PLA2G15: variants seen among roughly 807,000 people sequenced by gnomAD.
PLA2G15 encodes the protein lysosomal phospholipase A and acyltransferase.
A neutral mutation model predicts 40.9 loss-of-function variants in PLA2G15; 20 were observed. That is an observed-to-expected ratio of 0.49 (90% CI 0.34 to 0.71). PLA2G15 has a LOEUF of 0.71. Among genes scored for constraint, PLA2G15 ranks in the 30% least tolerant of loss-of-function variants. The pLI is 0.01. For synonymous variants in PLA2G15, 223 were observed against 228.2 expected (o/e 0.98, Z 0.21); for missense variants, 471 against 541.9 (o/e 0.87, Z 1.30).
intron 2 of PLA2G15, among the ~76,000 whole-genome samples, chr16:68,250,832 C>T (rs925477098): frequency 5.4e-4 from 82 of 152,210 alleles, no homozygotes; most frequent in African/African-American, 1.9e-3. Context: ...GTGAGCAGAC[C>T]ACTGTACCCA....
intron 2 of PLA2G15, chr16:68,253,447 G>C: frequency 2.3e-6 from 1 of 437,324 alleles, no homozygotes; most frequent in South Asian, 1.6e-5. Flanking sequence ...CGCAATCTCG[G>C]CTCACTACAC....
intron 2 of PLA2G15, among the ~76,000 whole-genome samples, chr16:68,251,716 C>T (rs933017150): frequency 3.9e-5 from 6 of 152,112 alleles, no homozygotes; most frequent in Admixed American, 2.0e-4. Context: ...AAAAATGAGC[C>T]GGGCGTGGTG....
chr16:68,250,261 C>CTTT, intron 2 of PLA2G15: 14 of 303,558 alleles, frequency 4.6e-5, no homozygotes, highest in East Asian at 1.5e-4. Context: ...GCTCACAACT[C>CTTT]TTTTTTTTTT....
chr16:68,254,156 T>C (rs1037222098), intron 2 of PLA2G15, among the ~76,000 whole-genome samples: 1 of 152,006 alleles, frequency 6.6e-6, no homozygotes, highest in African/African-American at 2.4e-5. Flanking sequence ...TGGTACTTCC[T>C]TCTCCCAACC....
chr16:68,249,757 C>A (rs1382704887), intron 2 of PLA2G15, among the ~76,000 whole-genome samples: 1 of 152,192 alleles, frequency 6.6e-6, no homozygotes, highest in Non-Finnish European at 1.5e-5. Context: ...CAGCTCACTG[C>A]AACCTCCGTC....
At chr16:68,252,021 TA>T (rs1458181644) in intron 2 of PLA2G15, among the ~76,000 whole-genome samples, 1 of 152,152 alleles carries the variant, frequency 6.6e-6, no homozygotes, top group African/African-American at 2.4e-5. Flanking sequence ...TTTCTATTTT[TA>T]TACTGGGGAC....
At position 68,245,420 on chromosome 16, in the gene PLA2G15, G is replaced by A. The variant is rs772523752; in HGVS notation, c.-7G>A. 2.5e-6 allele frequency: 4 copies of A among 1,603,012 alleles called. No individual in the cohort carries two copies. Among genetic ancestry groups the A allele is most frequent in the South Asian group, 1.1e-5 (1 of 91,064 alleles). Reference sequence around the variant, plus strand: ...GCATCCCGGACCTGCGGCGACCGTCGTACACCATGGGCCTCCACCTCCGCC... The same window carrying A: ...GCATCCCGGACCTGCGGCGACCGTCATACACCATGGGCCTCCACCTCCGCC... On this transcript the variant is annotated 5_prime_UTR_variant, in exon 1 of 6. Coordinates refer to ENST00000219345, the MANE Select transcript of PLA2G15 (RefSeq NM_012320.4).
chr16:68,251,289 A>C (rs988211571), intron 2 of PLA2G15, among the ~76,000 whole-genome samples: 11 of 152,200 alleles, frequency 7.2e-5, no homozygotes, highest in Admixed American at 4.6e-4. Flanking sequence ...AGTTCCGTGA[A>C]GGGAGGGAGT....
chr16:68,252,724 T>TTGGGAG (rs1179888524), intron 2 of PLA2G15: 2 of 403,370 alleles, frequency 5.0e-6, no homozygotes, highest in Non-Finnish European at 1.0e-5. Context: ...TCCCAGCACT[T>TTGGGAG]TGGGAGGCTA....
chr16:68,258,990 T>G, intron 5 of PLA2G15, 156 bp from the exon 6 acceptor site: 8 of 637,358 alleles, frequency 1.3e-5, no homozygotes, highest in Middle Eastern at 4.2e-4. Flanking sequence ...AAGGCAGGGA[T>G]GGGAGTCACA....
At position 68,255,885 on chromosome 16, in the gene PLA2G15, C is replaced by G; in HGVS notation, c.622C>G (p.Leu208Val). ...SMGNMYTLYF[L>V]QRQPQAWKDK... ...GGGCAACATGTACACGCTCTACTTT[C>G]TGCAGCGGCAGCCGCAGGCCTGGAA... The change falls in exon 5 of 6, where the codon CTG becomes GTG. Residue 208 changes from leucine to valine, a missense_variant. Leu to Val is a conservative substitution (Grantham distance 32, BLOSUM62 1). Coordinates refer to ENST00000219345, the MANE Select transcript of PLA2G15 (RefSeq NM_012320.4). The surrounding 1 kb of genome is among the most constrained non-coding windows in gnomAD (Gnocchi z 5.9). 2 of 1,614,070 alleles carry G rather than the reference C, an allele frequency of 1.2e-6. No homozygotes were observed. Among genetic ancestry groups the G allele is most frequent in the Non-Finnish European group, 1.7e-6 (2 of 1,180,012 alleles).
intron 1 of PLA2G15, among the ~76,000 whole-genome samples, chr16:68,246,908 G>A (rs963184953): frequency 6.6e-6 from 1 of 152,202 alleles, no homozygotes; most frequent in African/African-American, 2.4e-5. Flanking sequence ...GCCTCAGGGA[G>A]TCCTGGGTTG....
chr16:68,247,091 A>G (rs112180401), intron 1 of PLA2G15, among the ~76,000 whole-genome samples: 6,111 of 152,208 alleles, frequency 0.04, 374 homozygotes, highest in African/African-American at 0.13. Flanking sequence ...CCAGAATCAC[A>G]GAGCAGCAGG....
At chr16:68,253,055 C>T (rs756737082) in intron 2 of PLA2G15, among the ~76,000 whole-genome samples, 49 of 152,162 alleles carry the variant, frequency 3.2e-4, no homozygotes, top group Non-Finnish European at 6.6e-4. Context: ...TATGTCATGG[C>T]GCTTAGGAAT....
At position 68,259,073 on chromosome 16, in the gene PLA2G15, G is replaced by T; in HGVS notation, c.728-73G>T. On this transcript the variant is annotated intron_variant, in intron 5 of 5. Coordinates refer to ENST00000219345, the MANE Select transcript of PLA2G15 (RefSeq NM_012320.4). The surrounding 1 kb of genome is among the most constrained non-coding windows in gnomAD (Gnocchi z 6.5). ...GGCCCCTGGCTGGGGTCTGGCAGGG[G>T]CCTGGTGGTGAACATGCTGCCCAAC... 5.2e-6 allele frequency: 7 copies of T among 1,357,040 alleles called. No individual in the cohort carries two copies. Among genetic ancestry groups the T allele is most frequent in the Non-Finnish European group, 7.1e-6 (7 of 981,130 alleles). 84.1% of individuals were successfully genotyped at this position (1,357,040 alleles called of 1,614,324 possible). A position where few individuals can be genotyped will look rare whatever the true frequency, so the allele number is the denominator to read the frequency against.
chr16:68,259,297 G>A lies in PLA2G15; in HGVS notation c.879G>A (p.Arg293=). The change falls in exon 6 of 6, where the codon CGG becomes CGA. Residue 293 remains arginine, a synonymous_variant. Coordinates refer to ENST00000219345, the MANE Select transcript of PLA2G15 (RefSeq NM_012320.4). This position sits in a 1 kb window ranked among gnomAD's most constrained non-coding sequence, Gnocchi z 6.5. The part of the protein sequence containing the change: ...VQTPTINYTL[R]DYRKFFQDIG... ...CACCCACAATCAACTACACACTGCG[G>A]GACTACCGCAAGTTCTTCCAGGACA... 1 of 1,614,052 alleles carries A rather than the reference G, an allele frequency of 6.2e-7. No individual in the cohort carries two copies. Among genetic ancestry groups the A allele is most frequent in the Non-Finnish European group, 8.5e-7 (1 of 1,180,048 alleles).
chr16:68,255,578 G>T lies in PLA2G15; in HGVS notation c.503-188G>T. The T allele has an allele frequency of 1.5e-6, 1 of 646,150 alleles. No homozygotes were observed. The highest frequency in any genetic ancestry group is 1.9e-5 in the South Asian group (1 of 51,734). The allele number at this position is 646,150 out of a possible 1,614,324, so 40.0% of individuals were successfully genotyped here. A position where few individuals can be genotyped will look rare whatever the true frequency, so the allele number is the denominator to read the frequency against. On this transcript the variant is annotated intron_variant, in intron 4 of 5. Coordinates refer to ENST00000219345, the MANE Select transcript of PLA2G15 (RefSeq NM_012320.4). The surrounding 1 kb of genome is among the most constrained non-coding windows in gnomAD (Gnocchi z 5.9). The stretch of plus-strand genomic sequence containing the variant: ...TCCATTTCCCACCCTGGGACCTCTG[G>T]GCCTGTGAGCCCTGGGGAGAAATAT...
chr16:68,250,707 A>T (rs1442211139), intron 2 of PLA2G15, among the ~76,000 whole-genome samples: 1 of 152,156 alleles, frequency 6.6e-6, no homozygotes, highest in Non-Finnish European at 1.5e-5. Context: ...GTGAAACCCC[A>T]TCTCTACCAA....
rs753698308 is a variant in PLA2G15, at chr16:68,256,008, C to T, written c.727+18C>T. On this transcript the variant is annotated intron_variant, in intron 5 of 5. Transcript: ENST00000219345. ...GGCTTCAGGTAAGACCCTACCTGGC[C>T]CAGCGTGGGGGGCTGTTGCCAGGAA... 6.6e-7 allele frequency: 1 copy of T among 1,523,458 alleles called. No individual in the cohort carries two copies. The highest frequency in any genetic ancestry group is 1.8e-5 in the Admixed American group (1 of 56,928). The allele number at this position is 1,523,458 out of a possible 1,614,324, so 94.4% of individuals were successfully genotyped here. A position where few individuals can be genotyped will look rare whatever the true frequency, so the allele number is the denominator to read the frequency against.
Sources: gnomAD v4.1 joint callset for allele counts (sites outside exome capture counted in the v4.1 genomes callset) on GRCh38, gnomAD v4.1.1 for gene constraint, Gnocchi (gnomAD v3.1) non-coding constraint, MANE v1.5 for transcripts, NCBI Gene and HGNC (gene_info 2026-07-23, HGNC 2026-07-21) for gene names.